ATAD5: variants seen among roughly 807,000 people sequenced by gnomAD.
ATAD5 encodes ATPase family AAA domain-containing protein 5.
ATAD5 carries 58 observed loss-of-function variants against 176.9 expected under a neutral mutation model. The ratio of observed to expected loss-of-function variants is 0.33; its 90% CI spans 0.27 to 0.41. ATAD5 has a LOEUF of 0.41. Among genes scored for constraint, ATAD5 ranks in the 10% least tolerant of loss-of-function variants. The pLI is 1.00. For missense variants in ATAD5, 1,789 were observed against 2,094.1 expected (o/e 0.85, Z 2.84); for synonymous variants, 640 against 712.6 (o/e 0.90, Z 1.62).
rs367699401 is a variant in ATAD5, at chr17:30,834,724, G to A, written c.643G>A (p.Asp215Asn). 6.9e-5 allele frequency: 112 copies of A among 1,613,422 alleles called. No homozygotes were observed. The highest frequency in any genetic ancestry group is 8.8e-5 in the Non-Finnish European group (104 of 1,179,776). ...LRKRKCRDVV[D>N]LSESLPLAEE... ...AAAAAGGAAATGCAGAGATGTAGTA[G>A]ATCTATCTGAAAGCTTACCCTTGGC... The change falls in exon 2 of 23, where the codon GAT becomes AAT. Residue 215 changes from aspartate to asparagine, a missense_variant. Around this residue, in one of 6 missense-constraint regions of ATAD5, gnomAD observed 696 missense variants for 712.5 expected, o/e 0.98. Coordinates refer to ENST00000321990, the MANE Select transcript of ATAD5 (RefSeq NM_024857.5).
At chr17:30,852,177 T>A (rs1391056690) in intron 6 of ATAD5, among the ~76,000 whole-genome samples, 2 of 152,248 alleles carry the variant, frequency 1.3e-5, no homozygotes, top group Non-Finnish European at 2.9e-5. Context: ...TTTCTTCATT[T>A]TTATTATATT....
intron 20 of ATAD5, among the ~76,000 whole-genome samples, 162 bp downstream of exon 20, chr17:30,892,950 G>A (rs926430314): frequency 2.6e-5 from 4 of 152,074 alleles, no homozygotes; most frequent in African/African-American, 4.8e-5. Flanking sequence ...TTGACAAATG[G>A]TGCATAGGCA....
chr17:30,839,748 A>G (rs1353765959), intron 3 of ATAD5, among the ~76,000 whole-genome samples: 3 of 150,694 alleles, frequency 2.0e-5, no homozygotes, highest in African/African-American at 7.4e-5. Context: ...AGCCCAGCTA[A>G]TTTTTGTTAT....
chr17:30,878,718 G>GTTTGTTTTTT (rs1908813836), intron 17 of ATAD5, among the ~76,000 whole-genome samples: 1 of 56,838 alleles, frequency 1.8e-5, no homozygotes, highest in African/African-American at 6.6e-5. Flanking sequence ...GTTAGGTGGT[G>GTTTGTTTTTT]TTTTTTTTTT....
chr17:30,848,378 T>C (rs111744510), intron 6 of ATAD5, among the ~76,000 whole-genome samples: 4 of 152,252 alleles, frequency 2.6e-5, no homozygotes, highest in African/African-American at 9.6e-5. Context: ...GCCTCCCAAG[T>C]AGCTGGGACT....
chr17:30,854,583 G>A (rs1907182283), intron 6 of ATAD5, among the ~76,000 whole-genome samples: 1 of 151,246 alleles, frequency 6.6e-6, no homozygotes, highest in Non-Finnish European at 1.5e-5. Flanking sequence ...TGTTGGCCAG[G>A]CTGGTCTCAA....
At chr17:30,865,638 G>T (rs920300724) in intron 10 of ATAD5, 66 bp from the exon 11 acceptor site, 2 of 931,040 alleles carry the variant, frequency 2.1e-6, no homozygotes, top group Non-Finnish European at 1.6e-6. Flanking sequence ...TAATGTAAAT[G>T]ACTAATAATT....
chr17:30,832,390 C>T lies in ATAD5; in HGVS notation c.43C>T (p.Pro15Ser). ...CATGGCGGCTGCAGCTGCTCCGCCTCCCGTGAAGGACTGCGAGATTGAGGT... is the reference window on the plus strand; with the variant it reads ...CATGGCGGCTGCAGCTGCTCCGCCTTCCGTGAAGGACTGCGAGATTGAGGT... ...LAMAAAAAPP[P>S]VKDCEIEPCK... Residue 15 changes from proline to serine, a missense_variant, in exon 1 of 23, where the codon CCC becomes TCC. This residue lies in a region of ATAD5 where 696 missense variants were observed against 712.5 expected (regional missense o/e 0.98). Transcript: ENST00000321990. 6.4e-7 allele frequency: 1 copy of T among 1,561,880 alleles called. No homozygotes were observed. The highest frequency in any genetic ancestry group is 8.7e-7 in the Non-Finnish European group (1 of 1,153,150).
intron 14 of ATAD5, 65 bp downstream of exon 14, chr17:30,869,711 T>C: frequency 6.7e-7 from 1 of 1,501,622 alleles, no homozygotes; most frequent in Non-Finnish European, 9.0e-7. Context: ...AAAGTAATGT[T>C]AATTATCAGC....
chr17:30,834,286 A>G lies in ATAD5; in HGVS notation c.205A>G (p.Thr69Ala), dbSNP rs777589464. The change falls in exon 2 of 23, where the codon ACT becomes GCT. Residue 69 changes from threonine to alanine, a missense_variant. Physicochemically the swap from Thr to Ala is moderately conservative, Grantham distance 58. Around this residue, in one of 6 missense-constraint regions of ATAD5, gnomAD observed 696 missense variants for 712.5 expected, o/e 0.98. Transcript: ENST00000321990. ...TAATATTCTGGATTATTTTAGAAAGACTTCACCCACAAATGAGAAGACACA... is the reference window on the plus strand; with the variant it reads ...TAATATTCTGGATTATTTTAGAAAGGCTTCACCCACAAATGAGAAGACACA... The part of the protein sequence containing the change: ...PSNILDYFRK[T>A]SPTNEKTQLG... The G allele has an allele frequency of 7.6e-5, 122 of 1,613,644 alleles. No homozygotes were observed. Among genetic ancestry groups the G allele is most frequent in the Non-Finnish European group, 9.6e-5 (113 of 1,179,912 alleles).
intron 19 of ATAD5, 111 bp downstream of exon 19, chr17:30,887,483 G>A (rs937384655): frequency 1.9e-5 from 16 of 840,842 alleles, no homozygotes; most frequent in Non-Finnish European, 2.8e-5. Flanking sequence ...TTGGGGGAGT[G>A]AGGTGGGAGG....
intron 6 of ATAD5, among the ~76,000 whole-genome samples, chr17:30,854,176 ATATCT>A (rs1429504903): frequency 6.8e-6 from 1 of 146,276 alleles, no homozygotes; most frequent in African/African-American, 2.5e-5. Context: ...ATATTTGTCA[ATATCT>A]TATATAAAAT....
chr17:30,880,863 G>A (rs990832796), intron 18 of ATAD5, among the ~76,000 whole-genome samples: 2 of 151,844 alleles, frequency 1.3e-5, no homozygotes, highest in African/African-American at 4.8e-5. Flanking sequence ...AATATATTTT[G>A]TACATATAAC....
chr17:30,844,192 C>T (rs776245297), intron 5 of ATAD5, among the ~76,000 whole-genome samples, 153 bp downstream of exon 5: 13 of 152,162 alleles, frequency 8.5e-5, no homozygotes, highest in African/African-American at 1.4e-4. Flanking sequence ...GCAGCGCCGG[C>T]GGGATCTCGG....
chr17:30,895,116 T>G lies in ATAD5; in HGVS notation c.*203T>G, dbSNP rs1909841032. 4.8e-6 allele frequency: 2 copies of G among 413,406 alleles called. No individual in the cohort carries two copies. The highest frequency in any genetic ancestry group is 1.2e-4 in the South Asian group (2 of 17,324). The allele number at this position is 413,406 out of a possible 1,614,324, so 25.6% of individuals were successfully genotyped here. A position where few individuals can be genotyped will look rare whatever the true frequency, so the allele number is the denominator to read the frequency against. On this transcript the variant is annotated 3_prime_UTR_variant, in exon 23 of 23. Coordinates refer to ENST00000321990, the MANE Select transcript of ATAD5 (RefSeq NM_024857.5). ...TGATTGTAATTTTTTTTCTGAATTT[T>G]TTGTATTATCTGATTTAGCTTTGTT...
Position 30,868,420 on chromosome 17 carries a change from G to GC in ATAD5, c.3313+8_3313+9insC. On this transcript the variant is annotated intron_variant, in intron 12 of 22. Transcript: ENST00000321990. Reference sequence around the variant, plus strand: ...GAGATGAGAAACATGAAGGTATTTTGTGTGTCTTTTTTTTTTTTTTTACCA... The same window carrying GC: ...GAGATGAGAAACATGAAGGTATTTTGCTGTGTCTTTTTTTTTTTTTTTACCA... 6.9e-7 allele frequency: 1 copy of GC among 1,443,336 alleles called. No homozygotes were observed. The highest frequency in any genetic ancestry group is 9.1e-7 in the Non-Finnish European group (1 of 1,093,752). 89.4% of individuals were successfully genotyped at this position (1,443,336 alleles called of 1,614,324 possible). A position where few individuals can be genotyped will look rare whatever the true frequency, so the allele number is the denominator to read the frequency against.
In ATAD5 at chr17:30,850,827, ATATTTT is replaced by A. The variant is rs1256069408; in HGVS notation, c.2451-4312_2451-4307del. On this transcript the variant is annotated intron_variant, in intron 6 of 22. Transcript: ENST00000321990. ...TAAAGAAATTATTATTTATATTTAT[ATATTTT>A]TATATATATATATATATATATATAT... Among the ~76,000 whole-genome samples, 86 of 32,168 alleles carry A rather than the reference ATATTTT, an allele frequency of 2.7e-3. 1 individual carries two copies. Among genetic ancestry groups the A allele is most frequent in the African/African-American group, 0.018 (65 of 3,710 alleles). The allele number at this position is 32,168 out of a possible 152,430, so 21.1% of individuals were successfully genotyped here. A position where few individuals can be genotyped will look rare whatever the true frequency, so the allele number is the denominator to read the frequency against.
intron 14 of ATAD5, among the ~76,000 whole-genome samples, chr17:30,875,838 TTTCTAAATGA>T (rs986864186): frequency 1.3e-5 from 2 of 150,110 alleles, no homozygotes; most frequent in African/African-American, 4.9e-5. Flanking sequence ...TAGAGTGTCT[TTTCTAAATGA>T]CTGGCTTGGC....
intron 6 of ATAD5, among the ~76,000 whole-genome samples, chr17:30,851,403 G>C (rs1429875902): frequency 6.6e-6 from 1 of 151,096 alleles, no homozygotes; most frequent in African/African-American, 2.4e-5. Flanking sequence ...GGCTGAGGCA[G>C]GAGAATGGCG....
Sources: allele counts gnomAD v4.1 joint callset (sites outside exome capture counted in the v4.1 genomes callset), GRCh38; gene constraint gnomAD v4.1.1; regional missense constraint gnomAD v4.1.1; transcripts MANE v1.5; gene names NCBI Gene and HGNC (gene_info 2026-07-23, HGNC 2026-07-21).